PTK2: variants seen among roughly 807,000 people sequenced by gnomAD.
The protein encoded by PTK2 is focal adhesion kinase 1.
A neutral mutation model predicts 150.1 loss-of-function variants in PTK2; 45 were observed. That is an observed-to-expected ratio of 0.30 (90% CI 0.24 to 0.38). PTK2 has a LOEUF of 0.38. Among genes scored for constraint, PTK2 ranks in the 10% least tolerant of loss-of-function variants. The pLI is 1.00. For missense variants in PTK2, 919 were observed against 1,307.3 expected (o/e 0.70, Z 4.58); for synonymous variants, 432 against 449.2 (o/e 0.96, Z 0.48).
intron 2 of PTK2, among the ~76,000 whole-genome samples, chr8:140,915,821 G>A (rs2100165017): frequency 6.6e-6 from 1 of 152,122 alleles, no homozygotes; most frequent in African/African-American, 2.4e-5. Flanking sequence ...AGAATCACTT[G>A]AACCTGGGAG....
chr8:140,933,816 G>A (rs1249701460), intron 1 of PTK2, among the ~76,000 whole-genome samples: 1 of 152,028 alleles, frequency 6.6e-6, no homozygotes, highest in Non-Finnish European at 1.5e-5. Context: ...TGATGGTGGT[G>A]ATTGTACTCA....
intron 1 of PTK2, among the ~76,000 whole-genome samples, chr8:140,937,454 A>T (rs2154608728): frequency 6.6e-6 from 1 of 152,242 alleles, no homozygotes; most frequent in South Asian, 2.1e-4. Context: ...GCCTGGACAT[A>T]ATTACACGTG....
intron 1 of PTK2, among the ~76,000 whole-genome samples, chr8:140,995,313 G>GCA (rs918485152): frequency 6.7e-6 from 1 of 148,840 alleles, no homozygotes; most frequent in Non-Finnish European, 1.5e-5. Context: ...AACCTGGGAG[G>GCA]CAGAGGTTGC....
At chr8:140,719,673 G>T (rs549397472) in intron 22 of PTK2, among the ~76,000 whole-genome samples, 1 of 152,196 alleles carries the variant, frequency 6.6e-6, no homozygotes, top group Admixed American at 6.5e-5. Context: ...AACTTGCTCT[G>T]TGCAAGATGC....
intron 12 of PTK2, among the ~76,000 whole-genome samples, chr8:140,799,940 T>C (rs780950414): frequency 6.6e-6 from 1 of 152,200 alleles, no homozygotes; most frequent in South Asian, 2.1e-4. Flanking sequence ...CCTCATTATA[T>C]GCTTGCAAAA....
chr8:140,669,699 C>T, intron 29 of PTK2, 28 bp downstream of exon 33: 1 of 1,531,750 alleles, frequency 6.5e-7, no homozygotes, highest in Non-Finnish European at 8.7e-7. Context: ...GAGAGCTGGA[C>T]AGACACACAA....
chr8:140,781,871 G>C (rs2154569121), intron 14 of PTK2, among the ~76,000 whole-genome samples: 1 of 152,290 alleles, frequency 6.6e-6, no homozygotes, highest in Non-Finnish European at 1.5e-5. Flanking sequence ...TGACTACGAA[G>C]AACACCCCGA....
intron 1 of PTK2, chr8:140,954,947 C>T (rs576321815): frequency 6.6e-6 from 1 of 152,190 alleles, no homozygotes; most frequent in South Asian, 2.1e-4. Flanking sequence ...ACCATACTTA[C>T]TGTACTGGAC....
rs1242335737 is a variant in PTK2 at position 140,717,656 on chromosome 8, G to C, written c.2084C>G (p.Ser695Cys). The C allele has an allele frequency of 1.9e-6, 3 of 1,613,944 alleles. No individual in the cohort carries two copies. In the African/African-American group the frequency reaches 4.0e-5, roughly 22 times the overall value. Residue 695 changes from serine to cysteine, a missense_variant, in exon 23 of 32, where the codon TCC becomes TGC. Physicochemically the swap from Ser to Cys is moderately radical, Grantham distance 112. This residue lies in a region of PTK2 where 555 missense variants were observed against 880.1 expected (regional missense o/e 0.63). Coordinates refer to ENST00000522684, the Ensembl canonical transcript of PTK2. ...CCAGGACACTGTGGCCTGTCTTCTG[G>C]ACTCCATCCTCATGCGCTCTTCTTG...
chr8:140,821,313 G>C (rs895489143), intron 8 of PTK2: 1 of 152,250 alleles, frequency 6.6e-6, no homozygotes, highest in African/African-American at 2.4e-5. Flanking sequence ...AGACCAGTCA[G>C]GTCACTGTAA....
At chr8:140,780,335 T>C (rs146827203) in intron 14 of PTK2, among the ~76,000 whole-genome samples, 16 of 152,288 alleles carry the variant, frequency 1.1e-4, no homozygotes, top group Non-Finnish European at 1.8e-4. Flanking sequence ...CCTAAACCCA[T>C]TGATTAGTCT....
rs1242481694 is a variant in PTK2, at chr8:140,910,550, A to T, written c.-33+15111T>A. 3.4e-3 allele frequency among the ~76,000 whole-genome samples: 515 copies of T among 152,310 alleles called. 6 individuals are homozygous for T. Among genetic ancestry groups the T allele is most frequent in the African/African-American group, 0.012 (486 of 41,566 alleles). On this transcript the variant is annotated intron_variant, in intron 2 of 31. Transcript: ENST00000522684. The stretch of plus-strand genomic sequence containing the variant: ...AATATTAAGGGACTCCAACCCTTGA[A>T]AGTGACTGCTATAGAAGTCTTTCTT...
In PTK2 at chr8:140,719,691, G is replaced by A. The variant is rs571427571; in HGVS notation, c.2031-1982C>T. ...TTGCTCTGTGCAAGATGCACGTGAC[G>A]AGGTCTTTGAGGTGCTCTAACAGAA... On this transcript the variant is annotated intron_variant, in intron 22 of 31. Transcript: ENST00000522684. Among the ~76,000 whole-genome samples, 4 of 152,074 alleles carry A rather than the reference G, an allele frequency of 2.6e-5. No individual in the cohort carries two copies. The East Asian group carries it at 5.8e-4, about 22-fold the overall frequency.
At chr8:140,818,974 G>A (rs1197932692) in exon 9 of PTK2, 2 of 1,613,408 alleles carry the variant, frequency 1.2e-6, no homozygotes, top group Non-Finnish European at 1.7e-6. Context: ...ATTAAGGTTG[G>A]CAAATTGTCT....
intron 2 of PTK2, among the ~76,000 whole-genome samples, chr8:140,903,766 T>C (rs1460765478): frequency 2.0e-5 from 3 of 152,198 alleles, no homozygotes; most frequent in Admixed American, 1.3e-4. Flanking sequence ...TTTATAGCAA[T>C]TGTGAATGGG....
intron 22 of PTK2, among the ~76,000 whole-genome samples, chr8:140,726,030 C>G (rs2100045564): frequency 6.6e-6 from 1 of 151,578 alleles, no homozygotes; most frequent in African/African-American, 2.4e-5. Context: ...AGCAGAGAAA[C>G]AGAATACAAA....
intron 2 of PTK2, among the ~76,000 whole-genome samples, chr8:140,908,149 G>C (rs1408387459): frequency 6.6e-6 from 1 of 152,158 alleles, no homozygotes; most frequent in Non-Finnish European, 1.5e-5. Context: ...TAAGAAAGCA[G>C]AACAGCCTTA....
rs377412816 is a variant in PTK2 at position 140,675,386 on chromosome 8, A to G, written c.2602+74T>C. ...ACCATGAGGGTATTCCAAAGCTACG[A>G]CACTATATACATTCAAAACCTGCTT... is the stretch of plus-strand genomic sequence containing the variant. On this transcript the variant is annotated intron_variant, in intron 28 of 31. Transcript: ENST00000522684. The G allele has an allele frequency of 1.7e-5, 25 of 1,498,142 alleles. No individual in the cohort carries two copies. The African/African-American group carries it at 1.9e-4, about 12-fold the overall frequency. The allele number at this position is 1,498,142 out of a possible 1,614,324, so 92.8% of individuals were successfully genotyped here.
rs759551846 is a variant in PTK2 at position 140,879,550 on chromosome 8, C to A, written c.283G>T (p.Val95Phe). The A allele has an allele frequency of 3.1e-6, 5 of 1,613,710 alleles. No individual in the cohort carries two copies. Among genetic ancestry groups the A allele is most frequent in the East Asian group, 2.2e-5 (1 of 44,878 alleles). Residue 95 changes from valine to phenylalanine, a missense_variant, in exon 4 of 32, where the codon GTT (valine) becomes TTT (phenylalanine). Physicochemically the swap from Val to Phe is conservative, Grantham distance 50. Transcript: ENST00000522684. ...CCCATATCCACGTGAAGCCAGTGAA[C>A]CTCCTCTGACCGCAGGTGACTGAGG...
Sources: allele counts gnomAD v4.1 joint callset (sites outside exome capture counted in the v4.1 genomes callset), GRCh38; gene constraint gnomAD v4.1.1; regional missense constraint gnomAD v4.1.1; transcripts MANE v1.5; gene names NCBI Gene and HGNC (gene_info 2026-07-23, HGNC 2026-07-21).